Variants in TMEM184B observed in about 807,000 individuals in gnomAD.
TMEM184B encodes transmembrane protein 184B.
TMEM184B carries 17 observed loss-of-function variants against 41.8 expected under a neutral mutation model. The ratio of observed to expected loss-of-function variants is 0.41; its 90% CI spans 0.28 to 0.61. The LOEUF is 0.61. TMEM184B is among the 20% of genes least tolerant of loss of function. The pLI is 0.34. For synonymous variants in TMEM184B, 240 were observed against 229.5 expected, an observed-to-expected ratio of 1.05 and a Z score of -0.41; for missense variants, 393 against 557.8, an observed-to-expected ratio of 0.70 and a Z score of 2.98.
At chr22:38,244,403 G>A (rs553897651) in intron 3 of TMEM184B, among the ~76,000 whole-genome samples, 1 of 152,052 alleles carries the variant, frequency 6.6e-6, no homozygotes, top group South Asian at 2.1e-4. Context: ...GCACAGGTGT[G>A]GGTAGGAGAC....
At chr22:38,221,746 G>T (rs1182324052) in intron 8 of TMEM184B, 36 bp from the exon 9 acceptor site, 1 of 1,606,362 alleles carries the variant, frequency 6.2e-7, no homozygotes. Flanking sequence ...AGGTGAGGAG[G>T]CTGGGACGGT....
chr22:38,246,921 T>G, intron 2 of TMEM184B: 1 of 1,275,362 alleles, frequency 7.8e-7, no homozygotes, highest in Non-Finnish European at 1.0e-6. Context: ...CTCCATCTGC[T>G]ATGAGCCAAA....
chr22:38,257,573 G>A lies in TMEM184B; in HGVS notation c.-58-9554C>T, dbSNP rs1462282336. On this transcript the variant is annotated intron_variant, in intron 1 of 8. Coordinates refer to ENST00000361906, the MANE Select transcript of TMEM184B (RefSeq NM_012264.5). ...TCTCTCACTGATCACGAAAGCGCAC[G>A]TTCCAAAAAATGACCCCGTGTATGA... is the stretch of plus-strand genomic sequence containing the variant. Among the ~76,000 whole-genome samples the A allele has an allele frequency of 3.9e-5, 6 of 152,154 alleles. No individual in the cohort carries two copies. In the East Asian group the frequency reaches 1.2e-3, roughly 29 times the overall value.
intron 1 of TMEM184B, among the ~76,000 whole-genome samples, chr22:38,271,416 C>T (rs999398442): frequency 6.6e-6 from 1 of 152,162 alleles, no homozygotes; most frequent in Non-Finnish European, 1.5e-5. Flanking sequence ...CTCAGTTTAC[C>T]GCATCTGCAA....
In TMEM184B at chr22:38,247,911, G is replaced by A. The variant is rs772502346; in HGVS notation, c.51C>T (p.Thr17=). 8.1e-6 allele frequency: 13 copies of A among 1,604,116 alleles called. No homozygotes were observed. Among genetic ancestry groups the A allele is most frequent in the South Asian group, 3.3e-5 (3 of 89,742 alleles). The change falls in exon 2 of 9, where the codon ACC becomes ACT. Residue 17 remains threonine, a synonymous_variant. Coordinates refer to ENST00000361906, the MANE Select transcript of TMEM184B (RefSeq NM_012264.5). Reference sequence around the variant, plus strand: ...CGGAGACGCTGGGCGAGGCTGCTGCGGTCGTGGGCGACGCTGGATCCGGGG... The same window carrying A: ...CGGAGACGCTGGGCGAGGCTGCTGCAGTCGTGGGCGACGCTGGATCCGGGG... The part of the protein sequence containing the change: ...VLAPDPASPT[T]AAASPSVSVI...
rs375038677 is a variant in TMEM184B at position 38,270,933 on chromosome 22, C to G, written c.-59+1951G>C. ...AGCAAACAGCCTCCGGACAGAAGCC[C>G]CTGCTCACAGAACTCGGCCAATAGG... is the stretch of plus-strand genomic sequence containing the variant. On this transcript the variant is annotated intron_variant, in intron 1 of 8. Transcript: ENST00000361906. 2.4e-4 allele frequency among the ~76,000 whole-genome samples: 37 copies of G among 152,272 alleles called. 1 individual carries two copies. In the South Asian group the frequency reaches 7.0e-3, roughly 29 times the overall value.
intron 1 of TMEM184B, among the ~76,000 whole-genome samples, chr22:38,254,800 G>A (rs1380541993): frequency 6.6e-6 from 1 of 151,774 alleles, no homozygotes; most frequent in Non-Finnish European, 1.5e-5. Flanking sequence ...ACACATTGCT[G>A]GTGGGAAGAT....
intron 5 of TMEM184B, among the ~76,000 whole-genome samples, chr22:38,228,021 G>A (rs573892718): frequency 7.2e-5 from 11 of 152,200 alleles, no homozygotes; most frequent in Non-Finnish European, 1.0e-4. Flanking sequence ...AGAGGACGAG[G>A]AGCCTGGAGT....
At chr22:38,271,633 G>A (rs2092525245) in intron 1 of TMEM184B, among the ~76,000 whole-genome samples, 2 of 152,050 alleles carry the variant, frequency 1.3e-5, no homozygotes, top group African/African-American at 4.8e-5. Flanking sequence ...CCTTTGTTTG[G>A]TATTTTTCAC....
chr22:38,232,772 G>A (rs777119869), intron 3 of TMEM184B, among the ~76,000 whole-genome samples: 3 of 152,084 alleles, frequency 2.0e-5, no homozygotes, highest in East Asian at 1.9e-4. Context: ...CGCCACTCCC[G>A]AGCAGCACTA....
chr22:38,229,894 G>A (rs879871554), intron 5 of TMEM184B, among the ~76,000 whole-genome samples: 1 of 1,136 alleles, frequency 8.8e-4, no homozygotes, highest in Non-Finnish European at 2.1e-3. Context: ...AAGCTAGAGC[G>A]GCTGGATTGC....
chr22:38,224,351 T>A (rs2091360210), intron 8 of TMEM184B, among the ~76,000 whole-genome samples: 1 of 152,220 alleles, frequency 6.6e-6, no homozygotes, highest in Non-Finnish European at 1.5e-5. Context: ...CCTGACCTTG[T>A]GATCCACCCG....
intron 3 of TMEM184B, chr22:38,232,335 T>C (rs946256241): frequency 6.6e-6 from 1 of 152,206 alleles, no homozygotes; most frequent in South Asian, 2.1e-4. Flanking sequence ...CTGTAAATGT[T>C]GATGCTATAA....
intron 3 of TMEM184B, among the ~76,000 whole-genome samples, chr22:38,244,263 A>G (rs1356391398): frequency 2.6e-5 from 4 of 152,076 alleles, no homozygotes; most frequent in East Asian, 3.9e-4. Context: ...CTTCACTCCA[A>G]TATCCACAGA....
At position 38,219,651 on chromosome 22, in the gene TMEM184B, C is replaced by G. The variant is rs539315288; in HGVS notation, c.*1818G>C. 2.4e-5 allele frequency: 24 copies of G among 985,426 alleles called. No individual in the cohort carries two copies. Among genetic ancestry groups the G allele is most frequent in the East Asian group, 1.1e-4 (1 of 8,834 alleles). 61.0% of individuals were successfully genotyped at this position (985,426 alleles called of 1,614,324 possible). On this transcript the variant is annotated 3_prime_UTR_variant, in exon 9 of 9. Coordinates refer to ENST00000361906, the MANE Select transcript of TMEM184B (RefSeq NM_012264.5). ...TGATTCCCTGCCACTGAGCTCCCCC[C>G]ACCCTCCACGCAAACAGCAACGCTG...
rs968922281 is a variant in TMEM184B at position 38,251,668 on chromosome 22, C to T, written c.-58-3649G>A. On this transcript the variant is annotated intron_variant, in intron 1 of 8. Transcript: ENST00000361906. ...TTTCACACTCTGTACAGGCACTGAC[C>T]GGGAAGCTGCCTGCCCAGGTCCCAC... Among the ~76,000 whole-genome samples the T allele has an allele frequency of 3.3e-5, 5 of 152,256 alleles. No individual in the cohort carries two copies. The East Asian group carries it at 7.7e-4, about 24-fold the overall frequency.
At chr22:38,231,220 G>C in intron 4 of TMEM184B, 24 bp downstream of exon 4, 1 of 1,605,782 alleles carries the variant, frequency 6.2e-7, no homozygotes, top group Middle Eastern at 1.7e-4. Context: ...GTGGTTTAGG[G>C]CTCTGGGAAG....
rs559318419 is a variant in TMEM184B, at chr22:38,242,201, C to T, written c.358+3734G>A. ...AAAAAAGCAGGGCCAGGCTTGGTGGCTCACGCCTGTAATCCCAGCACTTTG... is the reference window on the plus strand; with the variant it reads ...AAAAAAGCAGGGCCAGGCTTGGTGGTTCACGCCTGTAATCCCAGCACTTTG... On this transcript the variant is annotated intron_variant, in intron 3 of 8. Coordinates refer to ENST00000361906, the MANE Select transcript of TMEM184B (RefSeq NM_012264.5). 1.4e-4 allele frequency among the ~76,000 whole-genome samples: 22 copies of T among 152,012 alleles called. 1 individual carries two copies. The highest frequency in any genetic ancestry group is 7.2e-4 in the Admixed American group (11 of 15,270).
rs1037729138 is a variant in TMEM184B at position 38,219,423 on chromosome 22, T to C, written c.*2046A>G. 7 of 985,512 alleles carry C rather than the reference T, an allele frequency of 7.1e-6. No individual in the cohort carries two copies. The highest frequency in any genetic ancestry group is 8.4e-6 in the Non-Finnish European group (7 of 829,904). 61.0% of individuals were successfully genotyped at this position (985,512 alleles called of 1,614,324 possible). ...TTTCTGGTGGAACTCATGGCAGTCA[T>C]ACAACAAGATACAAAACTAGGAGAC... is the stretch of plus-strand genomic sequence containing the variant. On this transcript the variant is annotated 3_prime_UTR_variant, in exon 9 of 9. Coordinates refer to ENST00000361906, the MANE Select transcript of TMEM184B (RefSeq NM_012264.5).
Sources: gnomAD v4.1 joint callset for allele counts (sites outside exome capture counted in the v4.1 genomes callset) on GRCh38, gnomAD v4.1.1 for gene constraint, MANE v1.5 for transcripts, NCBI Gene and HGNC (gene_info 2026-07-23, HGNC 2026-07-21) for gene names.